KCNJ15: variants seen among roughly 807,000 people sequenced by gnomAD.
The protein encoded by KCNJ15 is ATP-sensitive inward rectifier potassium channel 15.
A neutral mutation model predicts 23.0 loss-of-function variants in KCNJ15; 14 were observed. The observed-to-expected ratio is 0.61, with a 90% CI of 0.40 to 0.95. The LOEUF (loss-of-function observed/expected upper bound fraction) is 0.95, where lower values mean the gene tolerates loss of function less well. Among genes scored for constraint, KCNJ15 ranks in the 40% least tolerant of loss-of-function variants. The pLI is 0.00. For synonymous variants in KCNJ15, 185 were observed against 183.2 expected (o/e 1.01, Z -0.08); for missense variants, 388 against 461.8 (o/e 0.84, Z 1.46).
Position 38,300,723 on chromosome 21 carries a change from A to G in KCNJ15, c.*334A>G. 1 of 227,472 alleles carries G rather than the reference A, an allele frequency of 4.4e-6. No homozygotes were observed. The highest frequency in any genetic ancestry group is 9.4e-6 in the Non-Finnish European group (1 of 106,930). 14.1% of individuals were successfully genotyped at this position (227,472 alleles called of 1,614,324 possible). ...CAATCCTGACATTAAAAGGAAATGT[A>G]TTTCTATACAAGATTATTAGCTGTA... is the stretch of plus-strand genomic sequence containing the variant. On this transcript the variant is annotated 3_prime_UTR_variant, in exon 3 of 3. Coordinates refer to ENST00000398938, the MANE Select transcript of KCNJ15 (RefSeq NM_170736.3).
chr21:38,233,976 C>T (rs769104516), intron 1 of KCNJ15, among the ~76,000 whole-genome samples: 5 of 152,026 alleles, frequency 3.3e-5, no homozygotes, highest in African/African-American at 4.8e-5. Context: ...TGTAGAATTT[C>T]TTTCATTAAT....
intron 1 of KCNJ15, among the ~76,000 whole-genome samples, chr21:38,293,948 C>G (rs1397214793): frequency 2.6e-5 from 4 of 152,194 alleles, no homozygotes; most frequent in Admixed American, 6.5e-5. Context: ...TAAAGCGGAT[C>G]CTTCACTGCT....
chr21:38,261,039 G>A (rs1980831787), intron 1 of KCNJ15, among the ~76,000 whole-genome samples: 1 of 151,984 alleles, frequency 6.6e-6, no homozygotes, highest in East Asian at 1.9e-4. Context: ...AGTCACCGCT[G>A]GGCCATCAAA....
intron 1 of KCNJ15, among the ~76,000 whole-genome samples, chr21:38,232,629 A>T (rs1978349417): frequency 6.6e-6 from 1 of 151,786 alleles, no homozygotes; most frequent in Non-Finnish European, 1.5e-5. Flanking sequence ...CATCCAATTC[A>T]TTTTAGTTTG....
intron 1 of KCNJ15, among the ~76,000 whole-genome samples, chr21:38,290,428 T>A (rs1032923531): frequency 6.6e-6 from 1 of 152,204 alleles, no homozygotes; most frequent in African/African-American, 2.4e-5. Flanking sequence ...GCTACATATC[T>A]GACCACAGAG....
At chr21:38,270,751 C>T (rs1981988806) in intron 1 of KCNJ15, among the ~76,000 whole-genome samples, 1 of 152,148 alleles carries the variant, frequency 6.6e-6, no homozygotes, top group Non-Finnish European at 1.5e-5. Flanking sequence ...AAAAAAAAAT[C>T]AGCAAATTTG....
intron 1 of KCNJ15, among the ~76,000 whole-genome samples, chr21:38,260,545 G>A (rs1980774665): frequency 6.6e-6 from 1 of 152,210 alleles, no homozygotes; most frequent in Non-Finnish European, 1.5e-5. Context: ...AATACAGTTT[G>A]TGCTTCTAGA....
At chr21:38,264,902 T>C (rs1981303698) in intron 1 of KCNJ15, among the ~76,000 whole-genome samples, 1 of 151,940 alleles carries the variant, frequency 6.6e-6, no homozygotes, top group Non-Finnish European at 1.5e-5. Flanking sequence ...AAGAAGAAAA[T>C]GAAGACACTT....
intron 1 of KCNJ15, among the ~76,000 whole-genome samples, chr21:38,281,228 C>G (rs1983305865): frequency 6.6e-6 from 1 of 152,128 alleles, no homozygotes; most frequent in Non-Finnish European, 1.5e-5. Flanking sequence ...GACATACATG[C>G]ACAATATATA....
intron 1 of KCNJ15, among the ~76,000 whole-genome samples, chr21:38,257,825 G>T (rs1416373068): frequency 2.0e-5 from 3 of 152,116 alleles, no homozygotes; most frequent in Non-Finnish European, 2.9e-5. Context: ...GTTATACTGG[G>T]TGAAATTTCC....
rs576709021 is a variant in KCNJ15 at position 38,268,550 on chromosome 21, G to GAAAAAAAA, written c.-117+11385_-117+11392dup. On this transcript the variant is annotated intron_variant, in intron 1 of 2. Coordinates refer to ENST00000398938, the MANE Select transcript of KCNJ15 (RefSeq NM_170736.3). Reference sequence around the variant, plus strand: ...TATCTGACAAGAGTACTTAAAATCTGAAAAAAAAAAAAAAAAAAAAAAAAA... The same window carrying GAAAAAAAA: ...TATCTGACAAGAGTACTTAAAATCTGAAAAAAAAAAAAAAAAAAAAAAAAAAAAAAAAA... 4.6e-3 allele frequency among the ~76,000 whole-genome samples: 215 copies of GAAAAAAAA among 47,246 alleles called. 13 individuals are homozygous for GAAAAAAAA. The highest frequency in any genetic ancestry group is 7.2e-3 in the Non-Finnish European group (141 of 19,672). The allele number at this position is 47,246 out of a possible 152,430, so 31.0% of individuals were successfully genotyped here.
intron 1 of KCNJ15, among the ~76,000 whole-genome samples, chr21:38,277,634 C>T (rs1982862231): frequency 6.6e-6 from 1 of 152,100 alleles, no homozygotes; most frequent in South Asian, 2.1e-4. Context: ...GCGAGTGCAG[C>T]TTCCAAGAGG....
At chr21:38,255,125 C>T, upstream of KCNJ15, among the ~76,000 whole-genome samples, 1 of 152,122 alleles carries the variant, frequency 6.6e-6, no homozygotes, top group Non-Finnish European at 1.5e-5. Flanking sequence ...AAGTGAGATA[C>T]ACAACAAAAG....
At position 38,304,091 on chromosome 21, in the gene KCNJ15, TA is replaced by T. The variant is rs1437626473; in HGVS notation, c.*3703del. On this transcript the variant is annotated 3_prime_UTR_variant, in exon 3 of 3. Transcript: ENST00000398938. ...TTTTTGAACTTGAAAATCAGCTTTTTATTTTTTTTAATTTTATTATTATTAT... is the reference window on the plus strand; with the variant it reads ...TTTTTGAACTTGAAAATCAGCTTTTTTTTTTTTTAATTTTATTATTATTAT... 2.0e-5 allele frequency: 3 copies of T among 151,948 alleles called. No homozygotes were observed. Among genetic ancestry groups the T allele is most frequent in the African/African-American group, 4.8e-5 (2 of 41,416 alleles). 9.4% of individuals were successfully genotyped at this position (151,948 alleles called of 1,614,324 possible).
chr21:38,265,349 T>G (rs1981352268), intron 1 of KCNJ15, among the ~76,000 whole-genome samples: 1 of 152,242 alleles, frequency 6.6e-6, no homozygotes, highest in Non-Finnish European at 1.5e-5. Context: ...AGTCTAGGGC[T>G]GCATAAGGAT....
In KCNJ15 at chr21:38,300,534, A is replaced by G. The variant is rs1420573733; in HGVS notation, c.*145A>G. ...CATACAAAATCAATCTTTTCCTTTG[A>G]TCTTGTGGCTAAACCAGCATTTCTG... On this transcript the variant is annotated 3_prime_UTR_variant, in exon 3 of 3. Coordinates refer to ENST00000398938, the MANE Select transcript of KCNJ15 (RefSeq NM_170736.3). 5 of 668,070 alleles carry G rather than the reference A, an allele frequency of 7.5e-6. No individual in the cohort carries two copies. Among genetic ancestry groups the G allele is most frequent in the Non-Finnish European group, 1.3e-5 (5 of 396,974 alleles). The allele number at this position is 668,070 out of a possible 1,614,324, so 41.4% of individuals were successfully genotyped here.
chr21:38,234,161 G>A (rs1436276331), intron 1 of KCNJ15, among the ~76,000 whole-genome samples: 2 of 152,140 alleles, frequency 1.3e-5, no homozygotes, highest in African/African-American at 4.8e-5. Flanking sequence ...TTGAGTGAAA[G>A]GTCTACACCA....
chr21:38,287,676 A>G (rs1205882737), intron 1 of KCNJ15, among the ~76,000 whole-genome samples: 2 of 152,252 alleles, frequency 1.3e-5, no homozygotes, highest in Admixed American at 1.3e-4. Flanking sequence ...ATTTGGGCCA[A>G]TAGTCCTCCG....
At position 38,304,257 on chromosome 21, in the gene KCNJ15, C is replaced by T. The variant is rs12329730; in HGVS notation, c.*3868C>T. 8.4e-6 allele frequency: 1 copy of T among 118,514 alleles called. No homozygotes were observed. Among genetic ancestry groups the T allele is most frequent in the Non-Finnish European group, 1.7e-5 (1 of 59,012 alleles). 7.3% of individuals were successfully genotyped at this position (118,514 alleles called of 1,614,324 possible). On this transcript the variant is annotated 3_prime_UTR_variant, in exon 3 of 3. Transcript: ENST00000398938. ...TAATGCTATCCCTCCCCCCTCCCCC[C>T]ACCCCACAACAGTCCCCGGTGTGTG...
Sources: allele counts gnomAD v4.1 joint callset (sites outside exome capture counted in the v4.1 genomes callset), GRCh38; gene constraint gnomAD v4.1.1; transcripts MANE v1.5; gene names NCBI Gene and HGNC (gene_info 2026-07-23, HGNC 2026-07-21).